Variants in SEC16A observed in about 807,000 individuals in gnomAD.
The protein encoded by SEC16A is protein transport protein Sec16A.
SEC16A carries 110 observed loss-of-function variants against 221.9 expected under a neutral mutation model. That is an observed-to-expected ratio of 0.50 (90% CI 0.42 to 0.58). The LOEUF is 0.58. SEC16A is among the 20% of genes least tolerant of loss of function. SEC16A has a pLI of 0.00. For synonymous variants in SEC16A, 1,393 were observed against 1,257.7 expected, an observed-to-expected ratio of 1.11 and a Z score of -2.28; for missense variants, 3,165 against 3,097.8, an observed-to-expected ratio of 1.02 and a Z score of -0.52.
chr9:136,459,031 C>A lies in SEC16A; in HGVS notation c.5409+103G>T. The A allele has an allele frequency of 2.7e-6, 2 of 730,182 alleles. No homozygotes were observed. The highest frequency in any genetic ancestry group is 1.8e-5 in the African/African-American group (1 of 55,542). The allele number at this position is 730,182 out of a possible 1,614,324, so 45.2% of individuals were successfully genotyped here. On this transcript the variant is annotated intron_variant, in intron 17 of 31. Coordinates refer to ENST00000684901, the MANE Select transcript of SEC16A (RefSeq NM_014866.2). This position sits in a 1 kb window ranked among gnomAD's most constrained non-coding sequence, Gnocchi z 6.1. ...AGATCCTCCCCCAAAAAACTCACATCATTTTTTTCGATACCAATTCAAACA... is the reference window on the plus strand; with the variant it reads ...AGATCCTCCCCCAAAAAACTCACATAATTTTTTTCGATACCAATTCAAACA...
Position 136,453,512 on chromosome 9 carries a change from T to C in SEC16A, c.6077-2A>G. On this transcript the variant is annotated splice_acceptor_variant, in intron 21 of 31. Transcript: ENST00000684901. LOFTEE classifies it high-confidence loss of function. Reference sequence around the variant, plus strand: ...CAGGCGCCTCCTGCGGCACTATCCCTGTCAACGGGAAAGAGAGCAACTATG... The same window carrying C: ...CAGGCGCCTCCTGCGGCACTATCCCCGTCAACGGGAAAGAGAGCAACTATG... 1.2e-6 allele frequency: 2 copies of C among 1,611,106 alleles called. No individual in the cohort carries two copies. The highest frequency in any genetic ancestry group is 1.3e-5 in the African/African-American group (1 of 75,024).
chr9:136,444,142 G>A (rs1836609308), intron 30 of SEC16A: 1 of 396,580 alleles, frequency 2.5e-6, no homozygotes, highest in African/African-American at 2.1e-5. Flanking sequence ...CAATGGGAAG[G>A]TGCACACAGC....
In SEC16A at chr9:136,441,600, C is replaced by T. The variant is rs746613963; in HGVS notation, c.*155G>A. Reference sequence around the variant, plus strand: ...AATTAATTTTCAAAATAATTCATTACGATGGGCGGTGAGGAGGGAGGCACA... The same window carrying T: ...AATTAATTTTCAAAATAATTCATTATGATGGGCGGTGAGGAGGGAGGCACA... On this transcript the variant is annotated 3_prime_UTR_variant, in exon 32 of 32. Coordinates refer to ENST00000684901, the MANE Select transcript of SEC16A (RefSeq NM_014866.2). 1.5e-5 allele frequency: 9 copies of T among 611,844 alleles called. No individual in the cohort carries two copies. Among genetic ancestry groups the T allele is most frequent in the African/African-American group, 1.3e-4 (7 of 54,800 alleles). The allele number at this position is 611,844 out of a possible 1,614,324, so 37.9% of individuals were successfully genotyped here.
chr9:136,448,270 G>A (rs746312788), intron 23 of SEC16A, 109 bp from the exon 24 acceptor site: 45 of 863,406 alleles, frequency 5.2e-5, no homozygotes, highest in African/African-American at 2.9e-4. Flanking sequence ...CCCCAGAGTC[G>A]CCAGATCCAC....
At position 136,455,664 on chromosome 9, in the gene SEC16A, G is replaced by C; in HGVS notation, c.5794C>G (p.Leu1932Val). Residue 1932 changes from leucine (L) to valine (V), a missense_variant, in exon 20 of 32, where the codon CTG becomes GTG. By Grantham distance (32) the Leu-to-Val change is conservative. Coordinates refer to ENST00000684901, the MANE Select transcript of SEC16A (RefSeq NM_014866.2). ...GGGCTCGGTGCAGGCACCGCCAGCAGAGGGTTGGCGATCCCCAGGGCTCCT... is the reference window on the plus strand; with the variant it reads ...GGGCTCGGTGCAGGCACCGCCAGCACAGGGTTGGCGATCCCCAGGGCTCCT... ...QPGALGIANP[L>V]LAVPAPSPEH... 1 of 1,593,092 alleles carries C rather than the reference G, an allele frequency of 6.3e-7. No homozygotes were observed. Among genetic ancestry groups the C allele is most frequent in the Non-Finnish European group, 8.5e-7 (1 of 1,170,786 alleles).
Position 136,445,660 on chromosome 9 carries a change from A to G in SEC16A, c.6852T>C (p.Gly2284=), listed in dbSNP as rs1361414386. The change falls in exon 29 of 32, where the codon GGT becomes GGC. Residue 2284 remains glycine, a synonymous_variant. Coordinates refer to ENST00000684901, the MANE Select transcript of SEC16A (RefSeq NM_014866.2). ...CACTCCTTACCTCTCCTCCCTGGGA[A>G]CCCTCAGGCCTGGAGGAGGGGAGTT... The part of the protein sequence containing the change: ...GSELPSSRPE[G]SQGGELSRCS... The G allele has an allele frequency of 2.6e-6, 4 of 1,551,416 alleles. No homozygotes were observed. Among genetic ancestry groups the G allele is most frequent in the Non-Finnish European group, 3.5e-6 (4 of 1,147,276 alleles).
chr9:136,466,086 C>A lies in SEC16A; in HGVS notation c.4179G>T (p.Pro1393=). 1 of 1,610,672 alleles carries A rather than the reference C, an allele frequency of 6.2e-7. No individual in the cohort carries two copies. ...HNVAAGSYEA[P]LPPGSFHGDF... is the part of the protein sequence containing the mutation. ...CGCCGTGAAAGGAGCCTGGAGGAAG[C>A]GGGGCCTCGTAGGAACCGGCAGCCA... Residue 1393 remains proline, a synonymous_variant, in exon 8 of 32, where the codon CCG becomes CCT. Transcript: ENST00000684901. This position sits in a 1 kb window ranked among gnomAD's most constrained non-coding sequence, Gnocchi z 5.5.
intron 13 of SEC16A, among the ~76,000 whole-genome samples, 162 bp downstream of exon 13, chr9:136,461,015 C>T (rs1839398354): frequency 6.6e-6 from 1 of 152,254 alleles, no homozygotes; most frequent in Non-Finnish European, 1.5e-5. Flanking sequence ...CTCTCCACAA[C>T]ACGACCCAAG....
In SEC16A at chr9:136,475,451, G is replaced by A; in HGVS notation, c.2165C>T (p.Ala722Val). 1 of 1,609,980 alleles carries A rather than the reference G, an allele frequency of 6.2e-7. No individual in the cohort carries two copies. The highest frequency in any genetic ancestry group is 1.3e-5 in the African/African-American group (1 of 74,908). The change falls in exon 3 of 32, where the codon GCA becomes GTA. Residue 722 changes from alanine (A) to valine (V), a missense_variant. This residue lies in a region of SEC16A where 2,030 missense variants were observed against 1,923.1 expected (regional missense o/e 1.06). Transcript: ENST00000684901. The surrounding 1 kb of genome is among the most constrained non-coding windows in gnomAD (Gnocchi z 5.0). The stretch of plus-strand genomic sequence containing the variant: ...CTCACTTTGCGCCCACAGAGTCGTT[G>A]CTGGGCTCTCACACTTCACGGGCCC... ...TQGPVKCESPATTLWAQSELP... is the reference protein window; with the variant it reads ...TQGPVKCESPVTTLWAQSELP...
chr9:136,476,974 C>T lies in SEC16A; in HGVS notation c.642G>A (p.Gln214=). The change falls in exon 3 of 32, where the codon CAG becomes CAA. Residue 214 remains glutamine (Q), a synonymous_variant. Transcript: ENST00000684901. The part of the protein sequence containing the change: ...LPQPGLQMPG[Q]WGPVQGGPQP... Reference sequence around the variant, plus strand: ...GTGGGCCTCCCTGCACTGGCCCCCACTGTCCTGGCATCTGCAGACCAGGCT... The same window carrying T: ...GTGGGCCTCCCTGCACTGGCCCCCATTGTCCTGGCATCTGCAGACCAGGCT... 1 of 1,613,192 alleles carries T rather than the reference C, an allele frequency of 6.2e-7. No homozygotes were observed.
At chr9:136,482,464 C>G (rs538976730) in intron 1 of SEC16A, among the ~76,000 whole-genome samples, 1 of 152,248 alleles carries the variant, frequency 6.6e-6, no homozygotes, top group Admixed American at 6.5e-5. Flanking sequence ...ACACACTCCT[C>G]TAACCCTCGG....
At position 136,472,013 on chromosome 9, in the gene SEC16A, G is replaced by A. The variant is rs1366469309; in HGVS notation, c.3666C>T (p.Ser1222=). ...NYRYPEPERP[S]SRASHSSERP... ...GTTCCGAGGAGTGGCTGGCTCGGGA[G>A]CTGGGCCGCTCGGGCTCGGGATAGC... Residue 1222 remains serine, a synonymous_variant, in exon 4 of 32, where the codon AGC becomes AGT. Coordinates refer to ENST00000684901, the MANE Select transcript of SEC16A (RefSeq NM_014866.2). 4 of 1,611,468 alleles carry A rather than the reference G, an allele frequency of 2.5e-6. No individual in the cohort carries two copies. The highest frequency in any genetic ancestry group is 1.1e-5 in the South Asian group (1 of 91,092).
Position 136,454,089 on chromosome 9 carries a change from C to T in SEC16A, c.6076+20G>A, listed in dbSNP as rs1341794280. The T allele has an allele frequency of 6.5e-7, 1 of 1,543,982 alleles. No homozygotes were observed. The highest frequency in any genetic ancestry group is 1.2e-5 in the South Asian group (1 of 83,458). On this transcript the variant is annotated intron_variant, in intron 21 of 31. Transcript: ENST00000684901. ...CCCCATGCTGCTTCTGCTCTCGAGACAGCATCTCTGCAGCCCCACCTGGGT... is the reference window on the plus strand; with the variant it reads ...CCCCATGCTGCTTCTGCTCTCGAGATAGCATCTCTGCAGCCCCACCTGGGT...
intron 1 of SEC16A, among the ~76,000 whole-genome samples, chr9:136,481,491 G>A (rs1842354128): frequency 6.6e-6 from 1 of 152,204 alleles, no homozygotes; most frequent in Non-Finnish European, 1.5e-5. Flanking sequence ...TTGTTCCAAA[G>A]AGGCCAGCTG....
intron 4 of SEC16A, among the ~76,000 whole-genome samples, chr9:136,469,679 T>G (rs1212883740): frequency 6.6e-6 from 1 of 152,238 alleles, no homozygotes; most frequent in Non-Finnish European, 1.5e-5. Flanking sequence ...CTTGAAAGGA[T>G]GTAAGAGCAT....
At chr9:136,460,353 A>G (rs1006957255) in intron 13 of SEC16A, among the ~76,000 whole-genome samples, 29 of 152,046 alleles carry the variant, frequency 1.9e-4, no homozygotes, top group African/African-American at 6.7e-4. Context: ...TACTCAGGAG[A>G]CTGAGGCAGG....
chr9:136,448,759 C>A (rs1435534421), intron 23 of SEC16A: 1 of 687,288 alleles, frequency 1.5e-6, no homozygotes, highest in Admixed American at 2.1e-5. Flanking sequence ...GGGGGCAGAT[C>A]CACAGAGACA....
At chr9:136,483,081 G>C, upstream of SEC16A, 3 of 943,440 alleles carry the variant, frequency 3.2e-6, no homozygotes, top group Non-Finnish European at 3.8e-6. Context: ...GACGTGTCCG[G>C]CTTACGACAT....
rs201789231 is a variant in SEC16A, at chr9:136,462,960, G to A, written c.4820C>T (p.Pro1607Leu). Residue 1607 changes from proline to leucine, a missense_variant, in exon 12 of 32, where the codon CCG (proline) becomes CTG (leucine). This residue lies in a region of SEC16A where 1,088 missense variants were observed against 1,089.6 expected (regional missense o/e 1.00). Coordinates refer to ENST00000684901, the MANE Select transcript of SEC16A (RefSeq NM_014866.2). ...CTCGAGCGAGCTGGCGGCAGCCGCC[G>A]GACCACCAGTGAGGAAAGAGAGCTG... ...EAQLSFLTGG[P>L]AAAASSLERE... The A allele has an allele frequency of 9.0e-5, 145 of 1,607,516 alleles. No homozygotes were observed. Among genetic ancestry groups the A allele is most frequent in the Non-Finnish European group, 1.1e-4 (134 of 1,179,852 alleles).
Sources: gnomAD v4.1 joint callset for allele counts (sites outside exome capture counted in the v4.1 genomes callset) on GRCh38, gnomAD v4.1.1 for gene constraint, gnomAD v4.1.1 regional missense constraint, Gnocchi (gnomAD v3.1) non-coding constraint, MANE v1.5 for transcripts, NCBI Gene and HGNC (gene_info 2026-07-23, HGNC 2026-07-21) for gene names.